LOXHD1: variants seen among roughly 807,000 people sequenced by gnomAD.
LOXHD1 encodes lipoxygenase homology PLAT domains 1, also known as lipoxygenase homology domain-containing protein 1.
LOXHD1 carries 205 observed loss-of-function variants against 248.2 expected under a neutral mutation model. That is an observed-to-expected ratio of 0.83 (90% CI 0.74 to 0.93). The LOEUF is 0.93. Ranked by LOEUF, LOXHD1 falls within the 40% of genes least tolerant of loss-of-function variation. LOXHD1 has a pLI of 0.00. For synonymous variants in LOXHD1, 1,113 were observed against 1,162.8 expected, an observed-to-expected ratio of 0.96 and a Z score of 0.87; for missense variants, 2,930 against 2,971.6, an observed-to-expected ratio of 0.99 and a Z score of 0.33.
At chr18:46,497,262 T>C (rs2033931646) in intron 37 of LOXHD1, among the ~76,000 whole-genome samples, 1 of 152,126 alleles carries the variant, frequency 6.6e-6, no homozygotes, top group African/African-American at 2.4e-5. Flanking sequence ...TCAAGCTCTT[T>C]GGAGAGGCTG....
chr18:46,568,114 T>G (rs1257426427), intron 16 of LOXHD1, among the ~76,000 whole-genome samples: 2 of 152,224 alleles, frequency 1.3e-5, no homozygotes, highest in Non-Finnish European at 2.9e-5. Flanking sequence ...GATCTTTCCC[T>G]GGAGTGAGTT....
intron 22 of LOXHD1, among the ~76,000 whole-genome samples, chr18:46,546,164 G>A (rs984099590): frequency 1.3e-5 from 2 of 151,608 alleles, no homozygotes; most frequent in African/African-American, 4.8e-5. Flanking sequence ...GCATATTTCA[G>A]GGGAGCATCA....
chr18:46,541,816 G>T lies in LOXHD1; in HGVS notation c.3873C>A (p.Asp1291Glu). 6.4e-7 allele frequency: 1 copy of T among 1,551,718 alleles called. No homozygotes were observed. Among genetic ancestry groups the T allele is most frequent in the Non-Finnish European group, 8.7e-7 (1 of 1,146,998 alleles). ...KNEDDGSIIR[D>E]LFHAELQTRL... ...TCGTCTGAAGCTCTGCATGGAAGAGGTCTCTGATGATGGACCCGTCGTCTT... is the reference window on the plus strand; with the variant it reads ...TCGTCTGAAGCTCTGCATGGAAGAGTTCTCTGATGATGGACCCGTCGTCTT... The change falls in exon 25 of 41, where the codon GAC becomes GAA. Residue 1291 changes from aspartate to glutamate, a missense_variant. Physicochemically the swap from Asp to Glu is conservative, Grantham distance 45. Coordinates refer to ENST00000642948, the MANE Select transcript of LOXHD1 (RefSeq NM_001384474.1).
intron 16 of LOXHD1, among the ~76,000 whole-genome samples, chr18:46,567,208 T>C (rs944524252): frequency 6.6e-6 from 1 of 152,226 alleles, no homozygotes; most frequent in African/African-American, 2.4e-5. Context: ...TAACATCAGA[T>C]GGAATTATCA....
At chr18:46,498,684 C>T (rs1218509685) in intron 37 of LOXHD1, among the ~76,000 whole-genome samples, 1 of 152,198 alleles carries the variant, frequency 6.6e-6, no homozygotes, top group Non-Finnish European at 1.5e-5. Context: ...GTTCTCTCAT[C>T]TTTTTATAAA....
intron 40 of LOXHD1, among the ~76,000 whole-genome samples, 152 bp from the exon 41 acceptor site, chr18:46,478,104 T>C (rs572916935): frequency 6.6e-6 from 1 of 152,356 alleles, no homozygotes; most frequent in East Asian, 1.9e-4. Flanking sequence ...AATGTGCGTA[T>C]GGATTCTTGT....
chr18:46,654,600 C>T (rs1344403765), intron 1 of LOXHD1, among the ~76,000 whole-genome samples: 1 of 152,232 alleles, frequency 6.6e-6, no homozygotes, highest in African/African-American at 2.4e-5. Context: ...CAGAAGGTAG[C>T]CTAAGAAGAG....
intron 14 of LOXHD1, among the ~76,000 whole-genome samples, chr18:46,573,785 A>C (rs763817730): frequency 1.1e-4 from 16 of 152,234 alleles, no homozygotes; most frequent in Non-Finnish European, 1.5e-4. Context: ...CCTTGCTCTC[A>C]GTTGGCTATT....
chr18:46,514,653 G>A (rs2035149277), intron 34 of LOXHD1, among the ~76,000 whole-genome samples: 1 of 152,028 alleles, frequency 6.6e-6, no homozygotes, highest in Non-Finnish European at 1.5e-5. Context: ...CCATTCCCTT[G>A]AGCTCAGCCT....
intron 4 of LOXHD1, among the ~76,000 whole-genome samples, chr18:46,636,029 C>T (rs1046644332): frequency 3.3e-4 from 50 of 152,132 alleles, no homozygotes; most frequent in African/African-American, 1.2e-3. Flanking sequence ...CCAAATGTAG[C>T]GATTTCCACC....
chr18:46,556,510 C>T (rs2037336177), intron 21 of LOXHD1, among the ~76,000 whole-genome samples: 1 of 152,090 alleles, frequency 6.6e-6, no homozygotes, highest in Non-Finnish European at 1.5e-5. Context: ...AGAGGCAATG[C>T]CCATCCAGCC....
intron 8 of LOXHD1, among the ~76,000 whole-genome samples, chr18:46,600,140 T>C (rs2038312606): frequency 6.6e-6 from 1 of 152,190 alleles, no homozygotes; most frequent in African/African-American, 2.4e-5. Flanking sequence ...GGATTGCTCA[T>C]AGTAGTAAAA....
At chr18:46,590,698 G>T (rs901523313) in intron 12 of LOXHD1, among the ~76,000 whole-genome samples, 1 of 152,050 alleles carries the variant, frequency 6.6e-6, no homozygotes, top group South Asian at 2.1e-4. Flanking sequence ...AGTTATTACC[G>T]AATGCAAAAA....
At chr18:46,508,667 A>C (rs1378294886) in intron 35 of LOXHD1, among the ~76,000 whole-genome samples, 1 of 152,242 alleles carries the variant, frequency 6.6e-6, no homozygotes. Context: ...GACTGGCACA[A>C]CACACAAGTT....
At chr18:46,536,541 T>C (rs1010941029) in intron 26 of LOXHD1, among the ~76,000 whole-genome samples, 2 of 152,102 alleles carry the variant, frequency 1.3e-5, no homozygotes, top group Non-Finnish European at 1.5e-5. Context: ...ACTGGCAAAT[T>C]ATAGCTGTCT....
intron 38 of LOXHD1, among the ~76,000 whole-genome samples, chr18:46,487,931 C>G (rs2033183293): frequency 6.6e-6 from 1 of 152,140 alleles, no homozygotes; most frequent in Admixed American, 6.5e-5. Context: ...TACATACAAC[C>G]AAGAGTCCTG....
Position 46,656,992 on chromosome 18 carries a change from G to T in LOXHD1, c.42C>A (p.Asp14Glu). The T allele has an allele frequency of 6.4e-7, 1 of 1,551,678 alleles. No homozygotes were observed. Among genetic ancestry groups the T allele is most frequent in the South Asian group, 1.2e-5 (1 of 84,062 alleles). ...GCTCCGCTTCGTACAGGGCCAGGAA[G>T]TCGATGTCCTTCTTCCTCCGCCTTT... is the stretch of plus-strand genomic sequence containing the variant. ...QKKRRRKKDI[D>E]FLALYEAELL... The change falls in exon 1 of 41, where the codon GAC (aspartate) becomes GAA (glutamate). Residue 14 changes from aspartate to glutamate, a missense_variant. Physicochemically the swap from Asp to Glu is conservative, Grantham distance 45 (BLOSUM62 2). Transcript: ENST00000642948.
chr18:46,650,860 A>G (rs1371462423), intron 1 of LOXHD1, among the ~76,000 whole-genome samples: 2 of 152,146 alleles, frequency 1.3e-5, no homozygotes, highest in African/African-American at 4.8e-5. Context: ...ACCTGGATGC[A>G]GCCATTGGCT....
chr18:46,487,247 G>T (rs1040745693), intron 38 of LOXHD1, among the ~76,000 whole-genome samples: 1 of 152,206 alleles, frequency 6.6e-6, no homozygotes, highest in Non-Finnish European at 1.5e-5. Flanking sequence ...GGCAAGACAG[G>T]AGAGGAGCGA....
Sources: allele counts gnomAD v4.1 joint callset (sites outside exome capture counted in the v4.1 genomes callset), GRCh38; gene constraint gnomAD v4.1.1; transcripts MANE v1.5; gene names NCBI Gene and HGNC (gene_info 2026-07-23, HGNC 2026-07-21).